Variants in PDE10A observed in about 807,000 individuals in gnomAD.
The protein encoded by PDE10A is cAMP and cAMP-inhibited cGMP 3',5'-cyclic phosphodiesterase 10A.
A neutral mutation model predicts 97.7 loss-of-function variants in PDE10A; 39 were observed. That is an observed-to-expected ratio of 0.40 (90% CI 0.31 to 0.52). The LOEUF is 0.52. Among genes scored for constraint, PDE10A ranks in the 20% least tolerant of loss-of-function variants. The pLI, the probability that PDE10A is intolerant of heterozygous loss-of-function variation, is 0.56. For missense variants in PDE10A, 731 were observed against 1,047.8 expected (o/e 0.70, Z 4.17); for synonymous variants, 371 against 376.8 (o/e 0.98, Z 0.18).
intron 1 of PDE10A, among the ~76,000 whole-genome samples, chr6:165,787,244 T>G (rs1778521237): frequency 6.6e-6 from 1 of 152,134 alleles, no homozygotes; most frequent in Non-Finnish European, 1.5e-5. Flanking sequence ...GGAGAATTTC[T>G]AGAGACAAAA....
At chr6:165,369,569 G>C in intron 18 of PDE10A, among the ~76,000 whole-genome samples, 1 of 146,162 alleles carries the variant, frequency 6.8e-6, no homozygotes, top group Non-Finnish European at 1.5e-5. Flanking sequence ...CAAGAAATAT[G>C]GGACTATGTG....
chr6:165,626,836 T>A (rs1357558047), intron 1 of PDE10A, among the ~76,000 whole-genome samples: 1 of 152,028 alleles, frequency 6.6e-6, no homozygotes, highest in African/African-American at 2.4e-5. Context: ...TTCCAGAGGG[T>A]CCTATCTGGA....
chr6:165,525,421 A>T (rs1023314152), intron 2 of PDE10A, among the ~76,000 whole-genome samples: 4 of 152,122 alleles, frequency 2.6e-5, no homozygotes, highest in African/African-American at 9.7e-5. Context: ...ATGGCCTACT[A>T]TGAGGAAGAT....
In PDE10A at chr6:165,680,121, A is replaced by T. The variant is rs563097736; in HGVS notation, c.-614-136553T>A. On this transcript the variant is annotated intron_variant, in intron 1 of 19. Coordinates refer to the PDE10A transcript ENST00000366882. ...AGGTACACCATTGCAACTGAGATGG[A>T]AAAAGAAAACAGCCATGGATCGTGA... Among the ~76,000 whole-genome samples the T allele has an allele frequency of 2.0e-5, 3 of 152,298 alleles. No homozygotes were observed. The East Asian group carries it at 5.8e-4, about 29-fold the overall frequency.
intron 2 of PDE10A, among the ~76,000 whole-genome samples, chr6:165,485,471 A>AAAT (rs796333309): frequency 1.6e-4 from 22 of 138,594 alleles, no homozygotes; most frequent in Admixed American, 6.2e-4. Context: ...CTGTCTCAAA[A>AAAT]AAAAAAAAAA....
intron 2 of PDE10A, among the ~76,000 whole-genome samples, chr6:165,497,499 T>C (rs1346619833): frequency 1.3e-5 from 2 of 152,232 alleles, no homozygotes; most frequent in Admixed American, 6.5e-5. Flanking sequence ...CTTTCTCTCA[T>C]ATCTAAAAGA....
At chr6:165,590,786 G>A (rs999801567) in intron 1 of PDE10A, among the ~76,000 whole-genome samples, 1 of 152,136 alleles carries the variant, frequency 6.6e-6, no homozygotes, top group African/African-American at 2.4e-5. Context: ...AGCTACTCAG[G>A]AGGCTGAGGC....
chr6:165,433,200 C>A, intron 6 of PDE10A, 71 bp from the exon 7 acceptor site: 6 of 1,154,158 alleles, frequency 5.2e-6, no homozygotes, highest in Non-Finnish European at 7.5e-6. Flanking sequence ...TTATTTCTAT[C>A]AGAAATTGCC....
At chr6:165,915,289 C>A (rs1198752682) in intron 1 of PDE10A, among the ~76,000 whole-genome samples, 1 of 152,092 alleles carries the variant, frequency 6.6e-6, no homozygotes, top group Non-Finnish European at 1.5e-5. Context: ...TGACAAGGTC[C>A]CTTTCCTCAA....
intron 1 of PDE10A, among the ~76,000 whole-genome samples, chr6:165,730,874 T>C (rs1414031219): frequency 1.3e-5 from 2 of 151,234 alleles, no homozygotes; most frequent in East Asian, 3.9e-4. Flanking sequence ...TGAAACCCCA[T>C]CTCGACTAAA....
intron 1 of PDE10A, among the ~76,000 whole-genome samples, chr6:165,966,655 A>C: frequency 6.6e-6 from 1 of 152,216 alleles, no homozygotes; most frequent in Middle Eastern, 3.2e-3. Flanking sequence ...TCCTTGGTAC[A>C]ATTTTTGCAA....
intron 18 of PDE10A, among the ~76,000 whole-genome samples, chr6:165,349,814 G>T (rs1032139951): frequency 3.3e-5 from 5 of 152,216 alleles, no homozygotes; most frequent in Non-Finnish European, 7.3e-5. Flanking sequence ...TATGGCTCAG[G>T]CTGTTATTTT....
chr6:165,683,069 G>A (rs1370803762), intron 1 of PDE10A, among the ~76,000 whole-genome samples: 1 of 152,224 alleles, frequency 6.6e-6, no homozygotes, highest in African/African-American at 2.4e-5. Flanking sequence ...ATTCAGCACA[G>A]CTCCTAGCAC....
intron 1 of PDE10A, among the ~76,000 whole-genome samples, chr6:165,903,713 G>A (rs117702659): frequency 0.011 from 1,719 of 152,164 alleles, 15 homozygotes; most frequent in Non-Finnish European, 0.018. Context: ...CATTACTTTG[G>A]ATGAGATCAC....
intron 1 of PDE10A, chr6:165,940,726 G>A (rs1261281441): frequency 6.6e-6 from 1 of 152,262 alleles, no homozygotes; most frequent in Admixed American, 6.5e-5. Flanking sequence ...GCGCCTGCCT[G>A]CGCCTTCCAG....
chr6:165,562,810 T>C (rs1308670967), intron 1 of PDE10A, among the ~76,000 whole-genome samples: 1 of 152,124 alleles, frequency 6.6e-6, no homozygotes, highest in Admixed American at 6.5e-5. Context: ...GCTGGGAGAA[T>C]CTTTAGTCCC....
Position 165,332,974 on chromosome 6 carries a change from G to C in PDE10A, c.*51C>G. On this transcript the variant is annotated 3_prime_UTR_variant, in exon 22 of 22. Coordinates refer to ENST00000539869, the MANE Select transcript of PDE10A (RefSeq NM_001385079.1). ...CCAAAAAAAGGAAAAGAATGTCAAA[G>C]AAGCAAGATGAGGATCTGTAGGTGG... is the stretch of plus-strand genomic sequence containing the variant. 1.4e-6 allele frequency: 1 copy of C among 735,016 alleles called. No individual in the cohort carries two copies. Among genetic ancestry groups the C allele is most frequent in the Non-Finnish European group, 2.4e-6 (1 of 420,734 alleles). 45.5% of individuals were successfully genotyped at this position (735,016 alleles called of 1,614,324 possible). A position where few individuals can be genotyped will look rare whatever the true frequency, so the allele number is the denominator to read the frequency against.
intron 1 of PDE10A, among the ~76,000 whole-genome samples, chr6:165,730,707 C>G (rs1310339619): frequency 1.4e-5 from 2 of 144,466 alleles, no homozygotes; most frequent in African/African-American, 2.6e-5. Flanking sequence ...GAGCCGAGAT[C>G]ATGCCACTAC....
At chr6:165,412,560 C>T (rs990148181) in intron 13 of PDE10A, among the ~76,000 whole-genome samples, 2 of 152,046 alleles carry the variant, frequency 1.3e-5, no homozygotes, top group Non-Finnish European at 2.9e-5. Context: ...AGAAACTGTC[C>T]CCCAAAAGGG....
Sources: gnomAD v4.1 joint callset for allele counts (sites outside exome capture counted in the v4.1 genomes callset) on GRCh38, gnomAD v4.1.1 for gene constraint, MANE v1.5 for transcripts, NCBI Gene and HGNC (gene_info 2026-07-23, HGNC 2026-07-21) for gene names.